The following LRRC8B variants were observed in gnomAD, a reference collection of about 807,000 sequenced individuals.
LRRC8B encodes leucine rich repeat containing 8 VRAC subunit B, also known as volume-regulated anion channel subunit LRRC8B.
A neutral mutation model predicts 58.8 loss-of-function variants in LRRC8B; 23 were observed. That is an observed-to-expected ratio of 0.39 (90% CI 0.28 to 0.55). The LOEUF is 0.55. LRRC8B is among the 20% of genes least tolerant of loss of function. The probability of loss-of-function intolerance (pLI) is 0.62; values close to 1 mark genes in which losing one functional copy is unlikely to be tolerated. For synonymous variants in LRRC8B, 359 were observed against 374.1 expected, an observed-to-expected ratio of 0.96 and a Z score of 0.47; for missense variants, 694 against 936.0, an observed-to-expected ratio of 0.74 and a Z score of 3.37.
chr1:89,538,079 TACTCTGAAAGAAACTTC>T (rs1294734128), intron 1 of LRRC8B, among the ~76,000 whole-genome samples: 1 of 152,194 alleles, frequency 6.6e-6, no homozygotes, highest in Non-Finnish European at 1.5e-5. Flanking sequence ...TTGTCCTGTT[TACTCTGAAAGAAACTTC>T]ACTCTGAAAG....
intron 1 of LRRC8B, among the ~76,000 whole-genome samples, chr1:89,541,706 G>A (rs533851013): frequency 4.4e-5 from 3 of 68,760 alleles, no homozygotes; most frequent in South Asian, 5.4e-4. Context: ...GGGAGACTCC[G>A]TCTCAAAAAA....
At chr1:89,546,535 C>T (rs2100871183) in intron 1 of LRRC8B, among the ~76,000 whole-genome samples, 1 of 152,308 alleles carries the variant, frequency 6.6e-6, no homozygotes, top group East Asian at 1.9e-4. Flanking sequence ...GGTTGTCTAC[C>T]TGGAATAGAT....
intron 5 of LRRC8B, among the ~76,000 whole-genome samples, chr1:89,586,693 C>G (rs184412993): frequency 6.6e-6 from 1 of 152,152 alleles, no homozygotes; most frequent in African/African-American, 2.4e-5. Flanking sequence ...AAAAGTCTTA[C>G]GCTGAAAATA....
chr1:89,569,795 T>C (rs1317607633), intron 3 of LRRC8B, among the ~76,000 whole-genome samples: 1 of 152,158 alleles, frequency 6.6e-6, no homozygotes, highest in Non-Finnish European at 1.5e-5. Flanking sequence ...GTGGTACATA[T>C]TATTTTATCA....
At chr1:89,580,031 C>G (rs143438623) in intron 4 of LRRC8B, among the ~76,000 whole-genome samples, 2 of 152,320 alleles carry the variant, frequency 1.3e-5, no homozygotes, top group African/African-American at 4.8e-5. Flanking sequence ...GCAGCTAGTT[C>G]GATGACTTTC....
chr1:89,546,845 G>A (rs1187231781), intron 1 of LRRC8B, among the ~76,000 whole-genome samples: 2 of 152,054 alleles, frequency 1.3e-5, no homozygotes, highest in South Asian at 2.1e-4. Context: ...CAGAAATTTG[G>A]TTAATTGATA....
chr1:89,566,381 T>G (rs1480398344), intron 1 of LRRC8B, among the ~76,000 whole-genome samples: 2 of 152,216 alleles, frequency 1.3e-5, no homozygotes, highest in Admixed American at 1.3e-4. Context: ...CTGTTATTTA[T>G]GATTTTGAAT....
chr1:89,593,486 A>T lies in LRRC8B; in HGVS notation c.*443A>T, dbSNP rs1655125269. 1 of 155,022 alleles carries T rather than the reference A, an allele frequency of 6.5e-6. No homozygotes were observed. Among genetic ancestry groups the T allele is most frequent in the East Asian group, 1.9e-4 (1 of 5,272 alleles). 9.6% of individuals were successfully genotyped at this position (155,022 alleles called of 1,614,324 possible). A position where few individuals can be genotyped will look rare whatever the true frequency, so the allele number is the denominator to read the frequency against. On this transcript the variant is annotated 3_prime_UTR_variant, in exon 6 of 6. Coordinates refer to ENST00000330947, the MANE Select transcript of LRRC8B (RefSeq NM_001369817.2). ...ATGATGAACCATAACTAAATGTCTT[A>T]TTAAAGCAACTGAGTGTCTAGCCCT... is the stretch of plus-strand genomic sequence containing the variant.
intron 1 of LRRC8B, among the ~76,000 whole-genome samples, chr1:89,553,383 C>G (rs1651955650): frequency 6.6e-6 from 1 of 152,118 alleles, no homozygotes; most frequent in African/African-American, 2.4e-5. Context: ...TCCATTGATT[C>G]AGGGCCCAGT....
intron 1 of LRRC8B, among the ~76,000 whole-genome samples, chr1:89,554,660 T>C (rs1479692476): frequency 6.6e-6 from 1 of 152,194 alleles, no homozygotes; most frequent in East Asian, 1.9e-4. Context: ...ACATAAGGCC[T>C]TCTTCATTTC....
In LRRC8B at chr1:89,594,829, A is replaced by T. The variant is rs1655205821; in HGVS notation, c.*1786A>T. The stretch of plus-strand genomic sequence containing the variant: ...TTATGATGCCACCTCTTCATTTTGG[A>T]TATAACTATGAAGAAATCTATTAAC... On this transcript the variant is annotated 3_prime_UTR_variant, in exon 6 of 6. Coordinates refer to ENST00000330947, the MANE Select transcript of LRRC8B (RefSeq NM_001369817.2). 1 of 152,120 alleles carries T rather than the reference A, an allele frequency of 6.6e-6. No individual in the cohort carries two copies. Among genetic ancestry groups the T allele is most frequent in the South Asian group, 2.1e-4 (1 of 4,824 alleles). 9.4% of individuals were successfully genotyped at this position (152,120 alleles called of 1,614,324 possible).
At chr1:89,537,384 A>G (rs1228293847) in intron 1 of LRRC8B, among the ~76,000 whole-genome samples, 1 of 152,230 alleles carries the variant, frequency 6.6e-6, no homozygotes, top group East Asian at 1.9e-4. Context: ...TCCCAAGGTG[A>G]CAGTGATGAG....
Position 89,583,329 on chromosome 1 carries a change from G to C in LRRC8B, c.679G>C (p.Asp227His). ...AGAAAGCCCAACTTCCAGTGTCCTG[G>C]ACAAGAAGGAGGGTGAACAGGCCAA... is the stretch of plus-strand genomic sequence containing the variant. ...GIESPTSSVL[D>H]KKEGEQAKAI... Residue 227 changes from aspartate to histidine, a missense_variant, in exon 5 of 6, where the codon GAC (aspartate) becomes CAC (histidine). Physicochemically the swap from Asp to His is moderately conservative, Grantham distance 81. Around this residue, in one of 5 missense-constraint regions of LRRC8B, gnomAD observed 316 missense variants for 403.8 expected, o/e 0.78. Coordinates refer to ENST00000330947, the MANE Select transcript of LRRC8B (RefSeq NM_001369817.2). The surrounding 1 kb of genome is among the most constrained non-coding windows in gnomAD (Gnocchi z 5.2). 6.2e-7 allele frequency: 1 copy of C among 1,614,172 alleles called. No homozygotes were observed. Among genetic ancestry groups the C allele is most frequent in the Non-Finnish European group, 8.5e-7 (1 of 1,180,026 alleles).
At chr1:89,586,520 T>C (rs1654634693) in intron 5 of LRRC8B, among the ~76,000 whole-genome samples, 1 of 152,214 alleles carries the variant, frequency 6.6e-6, no homozygotes, top group African/African-American at 2.4e-5. Flanking sequence ...TTTAAATGTA[T>C]GAGCAGGTGA....
chr1:89,529,965 C>T (rs371651291), intron 1 of LRRC8B, among the ~76,000 whole-genome samples: 2 of 152,194 alleles, frequency 1.3e-5, no homozygotes, highest in African/African-American at 4.8e-5. Context: ...GTTCCCCACC[C>T]TCGTGGAGAT....
In LRRC8B at chr1:89,594,544, T is replaced by G. The variant is rs1173525003; in HGVS notation, c.*1501T>G. 6 of 152,148 alleles carry G rather than the reference T, an allele frequency of 3.9e-5. No homozygotes were observed. The highest frequency in any genetic ancestry group is 1.4e-4 in the African/African-American group (6 of 41,430). The allele number at this position is 152,148 out of a possible 1,614,324, so 9.4% of individuals were successfully genotyped here. A position where few individuals can be genotyped will look rare whatever the true frequency, so the allele number is the denominator to read the frequency against. The stretch of plus-strand genomic sequence containing the variant: ...ACTTTTTTTCCCTCCATCTATGTAA[T>G]CTCTAGCTATGATTATAATGTAAAA... On this transcript the variant is annotated 3_prime_UTR_variant, in exon 6 of 6. Transcript: ENST00000330947.
chr1:89,529,444 C>G (rs1346595218), intron 1 of LRRC8B, among the ~76,000 whole-genome samples: 2 of 151,988 alleles, frequency 1.3e-5, no homozygotes, highest in Non-Finnish European at 2.9e-5. Flanking sequence ...TCAAATAGAT[C>G]TGGACACAAA....
At position 89,593,362 on chromosome 1, in the gene LRRC8B, G is replaced by A. The variant is rs1655116100; in HGVS notation, c.*319G>A. 1 of 183,142 alleles carries A rather than the reference G, an allele frequency of 5.5e-6. No individual in the cohort carries two copies. Among genetic ancestry groups the A allele is most frequent in the East Asian group, 1.2e-4 (1 of 8,032 alleles). The allele number at this position is 183,142 out of a possible 1,614,324, so 11.3% of individuals were successfully genotyped here. On this transcript the variant is annotated 3_prime_UTR_variant, in exon 6 of 6. Coordinates refer to ENST00000330947, the MANE Select transcript of LRRC8B (RefSeq NM_001369817.2). ...ACTGTACACCAGCCTGGGTGACAGA[G>A]CAAGACTCTTATCTCAAAAAAAAAA...
intron 1 of LRRC8B, among the ~76,000 whole-genome samples, chr1:89,536,416 A>G (rs10801752): frequency 0.19 from 28,346 of 152,186 alleles, 3,449 homozygotes; most frequent in South Asian, 0.3. Context: ...TTAAAGTGAT[A>G]GTATGAAGAT....
Sources: allele counts gnomAD v4.1 joint callset (sites outside exome capture counted in the v4.1 genomes callset), GRCh38; gene constraint gnomAD v4.1.1; regional missense constraint gnomAD v4.1.1; non-coding constraint Gnocchi (gnomAD v3.1); transcripts MANE v1.5; gene names NCBI Gene and HGNC (gene_info 2026-07-23, HGNC 2026-07-21).